RIF1: variants seen among roughly 807,000 people sequenced by gnomAD.
RIF1 encodes the protein telomere-associated protein RIF1.
RIF1 carries 45 observed loss-of-function variants against 247.1 expected under a neutral mutation model. That is an observed-to-expected ratio of 0.18 (90% CI 0.14 to 0.23). The LOEUF (loss-of-function observed/expected upper bound fraction) is 0.23, where lower values mean the gene tolerates loss of function less well. RIF1 is among the 10% of genes least tolerant of loss of function. RIF1 has a pLI of 1.00. For missense variants in RIF1, 2,967 were observed against 2,862.5 expected, an observed-to-expected ratio of 1.04 and a Z score of -0.83; for synonymous variants, 1,087 against 978.8, an observed-to-expected ratio of 1.11 and a Z score of -2.06.
At chr2:151,468,829 G>A (rs1697360829) in intron 33 of RIF1, 73 bp downstream of exon 33, 2 of 1,066,524 alleles carry the variant, frequency 1.9e-6, no homozygotes, top group South Asian at 1.3e-5. Flanking sequence ...CTGATTGCTT[G>A]GTTCTCATGT....
Position 151,479,281 on chromosome 2 carries a change from T to C in RIF1, c.*4210T>C, listed in dbSNP as rs1336779247. On this transcript the variant is annotated 3_prime_UTR_variant, in exon 36 of 36. Coordinates refer to ENST00000444746, the MANE Select transcript of RIF1 (RefSeq NM_018151.5). ...ATTATAAGAAAGTTAAGAATTTTGC[T>C]TAAGAGCCTTTTAAAAATATGGACG... 6.6e-6 allele frequency: 1 copy of C among 152,224 alleles called. No individual in the cohort carries two copies. Among genetic ancestry groups the C allele is most frequent in the African/African-American group, 2.4e-5 (1 of 41,460 alleles). 9.4% of individuals were successfully genotyped at this position (152,224 alleles called of 1,614,324 possible). A position where few individuals can be genotyped will look rare whatever the true frequency, so the allele number is the denominator to read the frequency against.
intron 11 of RIF1, 98 bp from the exon 12 acceptor site, chr2:151,436,729 C>CT: frequency 1.1e-6 from 1 of 877,514 alleles, no homozygotes; most frequent in Non-Finnish European, 1.7e-6. Context: ...CATTTAAACT[C>CT]TGTTTTTAAA....
At chr2:151,466,423 A>G (rs1696891640) in intron 30 of RIF1, among the ~76,000 whole-genome samples, 1 of 152,210 alleles carries the variant, frequency 6.6e-6, no homozygotes, top group Admixed American at 6.5e-5. Context: ...ATACCATAAT[A>G]TCATATGAGG....
chr2:151,526,457 A>C, the RIF1 span, among the ~76,000 whole-genome samples: 2 of 152,220 alleles, frequency 1.3e-5, no homozygotes, highest in African/African-American at 4.8e-5. Flanking sequence ...AATAACAATC[A>C]AAATGGATCT....
At chr2:151,450,587 ATTCT>A (rs560737698) in intron 20 of RIF1, among the ~76,000 whole-genome samples, 7 of 151,616 alleles carry the variant, frequency 4.6e-5, no homozygotes, top group South Asian at 4.2e-4. Flanking sequence ...CTGAGCAATA[ATTCT>A]TTCTTTTTTT....
intron 1 of RIF1, 84 bp from the exon 2 acceptor site, chr2:151,410,330 T>C (rs1207926459): frequency 4.7e-5 from 49 of 1,043,676 alleles, no homozygotes; most frequent in Non-Finnish European, 7.0e-5. Context: ...GGCGTGCGGG[T>C]GTGAGGGCCG....
intron 9 of RIF1, 31 bp downstream of exon 9, chr2:151,428,953 T>C: frequency 7.4e-7 from 1 of 1,356,902 alleles, no homozygotes; most frequent in Non-Finnish European, 1.0e-6. Context: ...TTTGATTTTC[T>C]GTGAATTTGT....
chr2:151,469,971 C>G (rs1313802626), intron 34 of RIF1, 107 bp downstream of exon 34: 9 of 777,294 alleles, frequency 1.2e-5, no homozygotes, highest in Non-Finnish European at 1.6e-5. Flanking sequence ...GAAATTGATT[C>G]ATTTATTTTG....
intron 24 of RIF1, among the ~76,000 whole-genome samples, chr2:151,458,321 C>T (rs1695564008): frequency 6.7e-6 from 1 of 150,270 alleles, no homozygotes; most frequent in Admixed American, 6.7e-5. Context: ...CAAGCTCTGC[C>T]TCCCGGGTTC....
At chr2:151,472,281 G>A (rs1008414424) in intron 34 of RIF1, among the ~76,000 whole-genome samples, 5 of 152,260 alleles carry the variant, frequency 3.3e-5, no homozygotes, top group South Asian at 2.1e-4. Context: ...CTGAGACAAC[G>A]GGGTTTTCTA....
chr2:151,515,168 G>A, the RIF1 span, among the ~76,000 whole-genome samples: 2 of 152,186 alleles, frequency 1.3e-5, no homozygotes, highest in Admixed American at 6.5e-5. Flanking sequence ...TCAGTCTAAT[G>A]TTGTGACTGG....
intron 34 of RIF1, among the ~76,000 whole-genome samples, chr2:151,473,314 T>TA (rs929620922): frequency 3.1e-5 from 4 of 127,018 alleles, no homozygotes; most frequent in African/African-American, 8.3e-5. Context: ...TTTTTTTTTT[T>TA]AAATACAGTG....
chr2:151,453,449 C>T (rs141611911), intron 21 of RIF1, among the ~76,000 whole-genome samples: 2,880 of 151,898 alleles, frequency 0.019, 274 homozygotes, highest in Admixed American at 0.17. Context: ...TGGTGGTGCG[C>T]GCCTGTAGTC....
Position 151,464,554 on chromosome 2 carries a change from T to C in RIF1, c.5034T>C (p.Asn1678=). Residue 1678 remains asparagine (N), a synonymous_variant, in exon 30 of 36, where the codon AAT becomes AAC. Transcript: ENST00000444746. ...CAGAATCAAATCTAAGGACTAGAAA[T>C]GCCATTAAGAGATTACATAAGCGAG... ...PVPESNLRTR[N]AIKRLHKRDS... is the part of the protein sequence containing the mutation. 1 of 1,612,078 alleles carries C rather than the reference T, an allele frequency of 6.2e-7. No homozygotes were observed. The highest frequency in any genetic ancestry group is 8.5e-7 in the Non-Finnish European group (1 of 1,179,092).
At chr2:151,449,381 A>G (rs1454597126) in intron 20 of RIF1, among the ~76,000 whole-genome samples, 5 of 152,172 alleles carry the variant, frequency 3.3e-5, no homozygotes, top group East Asian at 3.8e-4. Flanking sequence ...TTCTTCACCA[A>G]TTTATATAGT....
intron 13 of RIF1, among the ~76,000 whole-genome samples, chr2:151,438,345 G>A (rs1415281973): frequency 6.6e-6 from 1 of 152,100 alleles, no homozygotes; most frequent in African/African-American, 2.4e-5. Context: ...GGGTGTAGTG[G>A]TGTGTACCTA....
At chr2:151,510,023 A>T (rs1278687172), downstream of RIF1, among the ~76,000 whole-genome samples, 3 of 152,234 alleles carry the variant, frequency 2.0e-5, no homozygotes, top group Admixed American at 6.5e-5. Context: ...GTCTTTGTGT[A>T]AGTGTTCATT....
At chr2:151,442,048 T>TTTTTA (rs58326774) in intron 16 of RIF1, 57 bp downstream of exon 16, 55,892 of 237,298 alleles carry the variant, frequency 0.24, 9,074 homozygotes, top group Admixed American at 0.29. Context: ...ATACTTCCCT[T>TTTTTA]TTTTATTTTA....
the RIF1 span, chr2:151,526,172 T>A: frequency 1.2e-6 from 2 of 1,613,798 alleles, no homozygotes; most frequent in Non-Finnish European, 1.7e-6. Context: ...GACACCAGGT[T>A]GCTGACAGTC....
Sources: allele counts gnomAD v4.1 joint callset (sites outside exome capture counted in the v4.1 genomes callset), GRCh38; gene constraint gnomAD v4.1.1; transcripts MANE v1.5; gene names NCBI Gene and HGNC (gene_info 2026-07-23, HGNC 2026-07-21).